The following SHROOM2 variants were observed in gnomAD, a reference collection of about 807,000 sequenced individuals.
SHROOM2 encodes the protein shroom family member 2.
SHROOM2 carries 33 observed loss-of-function variants against 75.9 expected under a neutral mutation model. That is an observed-to-expected ratio of 0.43 (90% CI 0.33 to 0.58). SHROOM2 has a LOEUF of 0.58. SHROOM2 is among the 20% of genes least tolerant of loss of function. The pLI is 0.04. For synonymous variants in SHROOM2, 655 were observed against 663.6 expected, an observed-to-expected ratio of 0.99 and a Z score of 0.20; for missense variants, 1,434 against 1,461.2, an observed-to-expected ratio of 0.98 and a Z score of 0.30.
At chrX:9,799,157 CTTTTTTTTTTTTTTTT>C (rs58508176) in intron 1 of SHROOM2, among the ~76,000 whole-genome samples, 1 of 61,407 alleles carries the variant, frequency 1.6e-5, no homozygotes. Flanking sequence ...GAGTTTAATT[CTTTTTTTTTTTTTTTT>C]TTTTTTTTTT....
intron 1 of SHROOM2, among the ~76,000 whole-genome samples, chrX:9,854,231 A>T (rs2084054863): frequency 8.9e-6 from 1 of 112,955 alleles, no homozygotes; most frequent in Non-Finnish European, 1.9e-5. Context: ...GAGCAGTTAC[A>T]TCATAAAAAG....
At chrX:9,826,738 T>C (rs2083889249) in intron 1 of SHROOM2, among the ~76,000 whole-genome samples, 1 of 111,930 alleles carries the variant, frequency 8.9e-6, no homozygotes, top group Non-Finnish European at 1.9e-5. Context: ...ATTGTGCCTC[T>C]GCACTCCGTC....
At position 9,895,633 on chromosome X, in the gene SHROOM2, G is replaced by C; in HGVS notation, c.1725G>C (p.Glu575Asp). The change falls in exon 4 of 10, where the codon GAG (glutamate) becomes GAC (aspartate). Residue 575 changes from glutamate to aspartate, a missense_variant. By Grantham distance (45) the Glu-to-Asp change is conservative. Coordinates refer to ENST00000380913, the MANE Select transcript of SHROOM2 (RefSeq NM_001649.4). ...LAASITWADG[E>D]SSRICPQETP... Reference sequence around the variant, plus strand: ...CCAGCATCACGTGGGCAGATGGGGAGAGCAGCAGGATCTGCCCGCAGGAGA... The same window carrying C: ...CCAGCATCACGTGGGCAGATGGGGACAGCAGCAGGATCTGCCCGCAGGAGA... 1.1e-5 allele frequency: 13 copies of C among 1,164,118 alleles called. No individual in the cohort carries two copies. Among genetic ancestry groups the C allele is most frequent in the Non-Finnish European group, 1.5e-5 (13 of 874,898 alleles).
intron 1 of SHROOM2, among the ~76,000 whole-genome samples, chrX:9,864,912 C>T (rs1269538787): frequency 1.8e-5 from 2 of 111,932 alleles, no homozygotes; most frequent in Admixed American, 1.9e-4. Context: ...TCTTGGGAGG[C>T]TGAGGCAGGA....
chrX:9,914,975 G>T lies in SHROOM2; in HGVS notation c.2891+16685G>T, dbSNP rs150621384. ...TGCAGTGAGAAGGAATTTCAGTTTG[G>T]ACTTCTGGGAGTGAAGTACAGAAAC... On this transcript the variant is annotated intron_variant, in intron 5 of 9. Coordinates refer to ENST00000380913, the MANE Select transcript of SHROOM2 (RefSeq NM_001649.4). 6.3e-5 allele frequency among the ~76,000 whole-genome samples: 7 copies of T among 111,661 alleles called. No homozygotes were observed. The East Asian group carries it at 2.0e-3, about 31-fold the overall frequency.
At position 9,937,412 on chromosome X, in the gene SHROOM2, C is replaced by G; in HGVS notation, c.3866C>G (p.Pro1289Arg). The G allele has an allele frequency of 5.0e-6, 6 of 1,209,139 alleles. No homozygotes were observed. Among genetic ancestry groups the G allele is most frequent in the Non-Finnish European group, 6.7e-6 (6 of 894,416 alleles). Residue 1289 changes from proline (P) to arginine (R), a missense_variant, in exon 7 of 10, where the codon CCC becomes CGC. Coordinates refer to ENST00000380913, the MANE Select transcript of SHROOM2 (RefSeq NM_001649.4). ...CCCCAGCCCCTGGGCACCCAGGTGC[C>G]CCCCGAGAAAGACCGCTGCACCTCC... ...AEPQPLGTQVPPEKDRCTSPP... is the reference protein window; with the variant it reads ...AEPQPLGTQVRPEKDRCTSPP...
intron 6 of SHROOM2, among the ~76,000 whole-genome samples, 191 bp downstream of exon 6, chrX:9,933,061 G>A (rs192087397): frequency 9.4e-4 from 105 of 111,338 alleles, no homozygotes; most frequent in Admixed American, 3.1e-3. Flanking sequence ...TTATCTCACT[G>A]GGGGGCTGCT....
At chrX:9,806,394 T>C (rs1601915886) in intron 1 of SHROOM2, among the ~76,000 whole-genome samples, 1 of 109,283 alleles carries the variant, frequency 9.2e-6, no homozygotes, top group South Asian at 3.7e-4. Flanking sequence ...ATAATATTAA[T>C]ATATATAAAA....
chrX:9,922,489 T>G (rs1246958722), intron 5 of SHROOM2, among the ~76,000 whole-genome samples: 3 of 110,251 alleles, frequency 2.7e-5, no homozygotes, highest in Non-Finnish European at 5.7e-5. Context: ...TGTTGCCTCT[T>G]CTTGAGCTTC....
At chrX:9,837,857 CG>C (rs1483617998) in intron 1 of SHROOM2, among the ~76,000 whole-genome samples, 1 of 110,614 alleles carries the variant, frequency 9.0e-6, no homozygotes, top group Non-Finnish European at 1.9e-5. Flanking sequence ...TTGGGCCAGG[CG>C]GGGTGCCTTC....
chrX:9,915,353 T>C (rs1334247144), intron 5 of SHROOM2, among the ~76,000 whole-genome samples: 1 of 110,859 alleles, frequency 9.0e-6, no homozygotes, highest in African/African-American at 3.3e-5. Context: ...TATGAATATA[T>C]ATGAGACACA....
chrX:9,924,201 T>C (rs745640562), intron 5 of SHROOM2, among the ~76,000 whole-genome samples: 2 of 112,127 alleles, frequency 1.8e-5, no homozygotes, highest in Non-Finnish European at 3.8e-5. Context: ...CAGCAGAGCC[T>C]GTGAGAACAG....
rs2084827548 is a variant in SHROOM2 at position 9,947,004 on chromosome X, C to T, written c.*67C>T. 9.7e-7 allele frequency: 1 copy of T among 1,026,791 alleles called. No individual in the cohort carries two copies. Among genetic ancestry groups the T allele is most frequent in the Non-Finnish European group, 1.3e-6 (1 of 765,484 alleles). 84.6% of individuals were successfully genotyped at this position (1,026,791 alleles called of 1,213,427 possible). A position where few individuals can be genotyped will look rare whatever the true frequency, so the allele number is the denominator to read the frequency against. ...CTCCAGCTCCGTTCCCAAGGATACT[C>T]GTGAAGACCCCATCTGTGTTCATGG... is the stretch of plus-strand genomic sequence containing the variant. On this transcript the variant is annotated 3_prime_UTR_variant, in exon 10 of 10. Coordinates refer to ENST00000380913, the MANE Select transcript of SHROOM2 (RefSeq NM_001649.4).
intron 2 of SHROOM2, among the ~76,000 whole-genome samples, chrX:9,877,668 T>C (rs2084208291): frequency 8.9e-6 from 1 of 112,272 alleles, no homozygotes; most frequent in African/African-American, 3.2e-5. Context: ...AGCCACAGGC[T>C]ATTTCGCTGG....
intron 2 of SHROOM2, among the ~76,000 whole-genome samples, chrX:9,888,170 G>C (rs1175501335): frequency 2.7e-5 from 3 of 112,722 alleles, no homozygotes; most frequent in Non-Finnish European, 5.6e-5. Flanking sequence ...GGGGCCTTCC[G>C]CGGGGCTGGC....
chrX:9,843,105 A>G (rs58352408), intron 1 of SHROOM2, among the ~76,000 whole-genome samples: 2,774 of 111,479 alleles, frequency 0.025, 84 homozygotes, highest in African/African-American at 0.085. Flanking sequence ...TGTTTTTTAA[A>G]TACCATTTTA....
chrX:9,786,619 G>C lies in SHROOM2; in HGVS notation c.74G>C (p.Arg25Pro). The C allele has an allele frequency of 2.3e-6, 2 of 881,256 alleles. No individual in the cohort carries two copies. The highest frequency in any genetic ancestry group is 2.8e-6 in the Non-Finnish European group (2 of 719,914). 72.6% of individuals were successfully genotyped at this position (881,256 alleles called of 1,213,427 possible). Residue 25 changes from arginine to proline, a missense_variant, in exon 1 of 10, where the codon CGC (arginine) becomes CCC (proline). By Grantham distance (103) the Arg-to-Pro change is moderately radical. Coordinates refer to ENST00000380913, the MANE Select transcript of SHROOM2 (RefSeq NM_001649.4). ...GAGACGCGGGCGGCGGACGGCGGGC[G>C]CCTGGTGGAGGTGCAGCTGAGCGGC... ...EAETRAADGG[R>P]LVEVQLSGGA...
intron 1 of SHROOM2, among the ~76,000 whole-genome samples, chrX:9,851,696 T>G (rs1210196797): frequency 1.9e-5 from 2 of 105,981 alleles, no homozygotes; most frequent in Non-Finnish European, 3.9e-5. Flanking sequence ...AAATTCCTGG[T>G]CTCCAGTGGT....
rs756094889 is a variant in SHROOM2 at position 9,937,246 on chromosome X, G to A, written c.3700G>A (p.Glu1234Lys). 2.0e-5 allele frequency: 24 copies of A among 1,208,450 alleles called. No individual in the cohort carries two copies. The highest frequency in any genetic ancestry group is 1.1e-4 in the South Asian group (6 of 56,408). The change falls in exon 7 of 10, where the codon GAG becomes AAG. Residue 1234 changes from glutamate to lysine, a missense_variant. By Grantham distance (56) the Glu-to-Lys change is moderately conservative. Coordinates refer to ENST00000380913, the MANE Select transcript of SHROOM2 (RefSeq NM_001649.4). ...CCGCCAGAGCCTGGCATGCCCCGCC[G>A]AGCCACCTGCCCTGCCCCACGGGCT... ...ESRQSLACPA[E>K]PPALPHGLEK... is the part of the protein sequence containing the mutation.
Sources: gnomAD v4.1 joint callset for allele counts (sites outside exome capture counted in the v4.1 genomes callset) on GRCh38, gnomAD v4.1.1 for gene constraint, MANE v1.5 for transcripts, NCBI Gene and HGNC (gene_info 2026-07-23, HGNC 2026-07-21) for gene names.